UTRN: variants seen among roughly 807,000 people sequenced by gnomAD.
UTRN encodes the protein utrophin, also known as dystrophin-related protein 1.
In UTRN, 283 loss-of-function variants were observed where a neutral mutation model predicts 463.9. That is an observed-to-expected ratio of 0.61 (90% CI 0.55 to 0.67). UTRN has a LOEUF of 0.67. Ranked by LOEUF, UTRN falls within the 30% of genes least tolerant of loss-of-function variation. The pLI is 0.00. For synonymous variants in UTRN, 1,442 were observed against 1,431.5 expected (o/e 1.01, Z -0.17); for missense variants, 3,922 against 4,084.3 (o/e 0.96, Z 1.08).
intron 2 of UTRN, among the ~76,000 whole-genome samples, chr6:144,353,211 T>C (rs1167217448): frequency 6.6e-6 from 1 of 151,920 alleles, no homozygotes; most frequent in African/African-American, 2.4e-5. Context: ...CCTTCCCAGG[T>C]TCAAGCGATT....
chr6:144,368,480 A>C (rs1205391413), intron 2 of UTRN, among the ~76,000 whole-genome samples: 1 of 152,148 alleles, frequency 6.6e-6, no homozygotes, highest in Non-Finnish European at 1.5e-5. Flanking sequence ...ATTAAGGAAT[A>C]TACATGATAA....
At chr6:144,479,417 C>G (rs1233884904) in intron 25 of UTRN, among the ~76,000 whole-genome samples, 1 of 152,200 alleles carries the variant, frequency 6.6e-6, no homozygotes, top group Non-Finnish European at 1.5e-5. Context: ...CCAAGACTGA[C>G]TGGCTTCTAG....
intron 54 of UTRN, among the ~76,000 whole-genome samples, chr6:144,740,887 C>G (rs1789990001): frequency 1.3e-5 from 2 of 152,162 alleles, no homozygotes; most frequent in African/African-American, 4.8e-5. Flanking sequence ...GTTATGTTCT[C>G]TAATCAGTGT....
intron 13 of UTRN, among the ~76,000 whole-genome samples, chr6:144,442,338 G>A (rs1035498646): frequency 6.6e-6 from 1 of 152,006 alleles, no homozygotes; most frequent in African/African-American, 2.4e-5. Flanking sequence ...ACATTTTTCT[G>A]TCTTCTTCTG....
chr6:144,787,132 C>T (rs2128741414), intron 61 of UTRN, among the ~76,000 whole-genome samples: 1 of 152,282 alleles, frequency 6.6e-6, no homozygotes, highest in East Asian at 1.9e-4. Context: ...CATTCATGTA[C>T]TTGTCTCAGC....
chr6:144,349,213 T>A (rs1274916269), intron 2 of UTRN, among the ~76,000 whole-genome samples: 3 of 152,184 alleles, frequency 2.0e-5, no homozygotes. Flanking sequence ...TTTCCCCGTG[T>A]TAGCCAGGAT....
At chr6:144,664,438 A>G (rs1780181787) in intron 51 of UTRN, among the ~76,000 whole-genome samples, 1 of 148,488 alleles carries the variant, frequency 6.7e-6, no homozygotes, top group Non-Finnish European at 1.5e-5. Flanking sequence ...TGTTCCACTT[A>G]GTAATTTGAC....
At chr6:144,489,206 C>T (rs546980583) in intron 30 of UTRN, among the ~76,000 whole-genome samples, 10 of 152,212 alleles carry the variant, frequency 6.6e-5, no homozygotes, top group South Asian at 4.1e-4. Context: ...CGCGCCACCA[C>T]GCCCGGCTAA....
chr6:144,652,165 T>C (rs745344772), intron 51 of UTRN, among the ~76,000 whole-genome samples: 2 of 152,234 alleles, frequency 1.3e-5, no homozygotes, highest in Non-Finnish European at 2.9e-5. Flanking sequence ...TCCCTTCTAC[T>C]GTGGCTTAAC....
intron 52 of UTRN, among the ~76,000 whole-genome samples, chr6:144,683,500 G>A (rs1782420783): frequency 6.6e-6 from 1 of 152,146 alleles, no homozygotes; most frequent in Non-Finnish European, 1.5e-5. Context: ...ATTGCCTACT[G>A]AAAGTGATCA....
chr6:144,528,386 A>G (rs1371028407), intron 41 of UTRN, among the ~76,000 whole-genome samples: 2 of 152,108 alleles, frequency 1.3e-5, no homozygotes, highest in African/African-American at 4.8e-5. Flanking sequence ...TCATATTACC[A>G]TAATTGTTTT....
chr6:144,520,179 C>T (rs769258172), intron 39 of UTRN, among the ~76,000 whole-genome samples: 9 of 152,204 alleles, frequency 5.9e-5, no homozygotes, highest in Non-Finnish European at 8.8e-5. Flanking sequence ...CATGATTACT[C>T]AACCTAGAAA....
chr6:144,625,073 A>G (rs957740969), intron 51 of UTRN, among the ~76,000 whole-genome samples: 1 of 152,186 alleles, frequency 6.6e-6, no homozygotes, highest in Non-Finnish European at 1.5e-5. Flanking sequence ...AATGGCTACT[A>G]ACATTGAATT....
intron 2 of UTRN, among the ~76,000 whole-genome samples, chr6:144,378,793 G>A (rs1780674484): frequency 6.6e-6 from 1 of 152,206 alleles, no homozygotes. Flanking sequence ...TTAGGAGACA[G>A]TGTCAGAAGG....
intron 53 of UTRN, among the ~76,000 whole-genome samples, chr6:144,702,892 C>T (rs142387647): frequency 3.5e-4 from 53 of 152,204 alleles, no homozygotes; most frequent in African/African-American, 1.2e-3. Context: ...CATTTAGGTC[C>T]TTGAATATTC....
intron 21 of UTRN, among the ~76,000 whole-genome samples, chr6:144,460,589 G>A (rs889671719): frequency 2.0e-5 from 3 of 152,254 alleles, no homozygotes; most frequent in African/African-American, 7.2e-5. Flanking sequence ...ACAAGGATCA[G>A]TAGGCAGTTT....
intron 52 of UTRN, among the ~76,000 whole-genome samples, chr6:144,692,224 G>T (rs959346073): frequency 2.0e-5 from 3 of 152,204 alleles, no homozygotes; most frequent in East Asian, 1.9e-4. Flanking sequence ...ACATGGTCTC[G>T]TTCTTTTTCA....
chr6:144,320,699 T>TA (rs1173473974), intron 2 of UTRN, among the ~76,000 whole-genome samples: 1 of 152,110 alleles, frequency 6.6e-6, no homozygotes, highest in Non-Finnish European at 1.5e-5. Context: ...ATTACAGAGG[T>TA]AAAACCATTA....
At chr6:144,573,744 G>A (rs1472508141) in intron 50 of UTRN, among the ~76,000 whole-genome samples, 1 of 151,598 alleles carries the variant, frequency 6.6e-6, no homozygotes, top group Admixed American at 6.6e-5. Flanking sequence ...TGGAAAGATT[G>A]TCATTTGGTA....
Sources: gnomAD v4.1 joint callset for allele counts (sites outside exome capture counted in the v4.1 genomes callset) on GRCh38, gnomAD v4.1.1 for gene constraint, MANE v1.5 for transcripts, NCBI Gene and HGNC (gene_info 2026-07-23, HGNC 2026-07-21) for gene names.